Variants in EHD4 observed in about 807,000 individuals in gnomAD.
EHD4 encodes the protein EH domain-containing protein 4.
Under a neutral mutation model 51.0 loss-of-function variants are expected in EHD4, and 37 were observed. The observed-to-expected ratio is 0.73, with a 90% CI of 0.56 to 0.95. EHD4 has a LOEUF of 0.95. Among genes scored for constraint, EHD4 ranks in the 40% least tolerant of loss-of-function variants. The pLI, the probability that EHD4 is intolerant of heterozygous loss-of-function variation, is 0.00. For synonymous variants in EHD4, 297 were observed against 317.3 expected, an observed-to-expected ratio of 0.94 and a Z score of 0.68; for missense variants, 632 against 733.1, an observed-to-expected ratio of 0.86 and a Z score of 1.59.
At chr15:41,906,865 C>T (rs1240146953) in intron 5 of EHD4, among the ~76,000 whole-genome samples, 3 of 152,126 alleles carry the variant, frequency 2.0e-5, no homozygotes. Flanking sequence ...TGCTCACCCA[C>T]CTTCCGTGGT....
At position 41,897,959 on chromosome 15, in the gene EHD4, T is replaced by TG. The variant is rs1347510574; in HGVS notation, c.*2685dup. On this transcript the variant is annotated 3_prime_UTR_variant, in exon 6 of 6. Transcript: ENST00000220325. ...CAGGGTCGGCCCTGCCGCCCTGCCG[T>TG]GTGGGGTAGGGAGACAGCTGGTGGT... 6 of 152,330 alleles carry TG rather than the reference T, an allele frequency of 3.9e-5. No homozygotes were observed. The highest frequency in any genetic ancestry group is 1.3e-4 in the Admixed American group (2 of 15,294). The allele number at this position is 152,330 out of a possible 1,614,324, so 9.4% of individuals were successfully genotyped here.
chr15:41,943,005 T>A (rs1220825520), intron 3 of EHD4, 62 bp downstream of exon 3: 8 of 1,407,298 alleles, frequency 5.7e-6, no homozygotes, highest in Non-Finnish European at 7.8e-6. Flanking sequence ...AGAAATCCTC[T>A]GCTCACAGCA....
chr15:41,953,776 G>A lies in EHD4; in HGVS notation c.401C>T (p.Ala134Val). 2 of 1,607,360 alleles carry A rather than the reference G, an allele frequency of 1.2e-6. No individual in the cohort carries two copies. Among genetic ancestry groups the A allele is most frequent in the South Asian group, 2.2e-5 (2 of 89,606 alleles). ...PFRKLSRFGN[A>V]FLNRFMCSQL... ...TGCTGGTCCTTACCGATTCAGGAAA[G>A]CGTTTCCAAAGCGACTGAGCTTTCT... The change falls in exon 2 of 6, where the codon GCT becomes GTT. Residue 134 changes from alanine (A) to valine (V), a missense_variant. By Grantham distance (64) the Ala-to-Val change is moderately conservative (BLOSUM62 0). Transcript: ENST00000220325.
rs764333028 is a variant in EHD4 at position 41,919,448 on chromosome 15, G to A, written c.686C>T (p.Thr229Met). The A allele has an allele frequency of 4.7e-5, 74 of 1,577,030 alleles. No individual in the cohort carries two copies. The Admixed American group carries it at 9.5e-4, about 20-fold the overall frequency. Residue 229 changes from threonine to methionine, a missense_variant, in exon 4 of 6, where the codon ACG (threonine) becomes ATG (methionine). Thr to Met is a moderately conservative substitution (Grantham distance 81). Transcript: ENST00000220325. Reference sequence around the variant, plus strand: ...CCCGTAGACCCGCATCAGCTGCTGCGTGTCCACTTGGTCGGCCTTGTTCAG... The same window carrying A: ...CCCGTAGACCCGCATCAGCTGCTGCATGTCCACTTGGTCGGCCTTGTTCAG... ...VVLNKADQVDTQQLMRVYGAL... is the reference protein window; with the variant it reads ...VVLNKADQVDMQQLMRVYGAL...
intron 3 of EHD4, among the ~76,000 whole-genome samples, chr15:41,929,069 C>A (rs978996247): frequency 6.6e-6 from 1 of 152,162 alleles, no homozygotes. Flanking sequence ...CCAGAAAACC[C>A]CAGAGGTTGT....
intron 2 of EHD4, among the ~76,000 whole-genome samples, chr15:41,948,246 C>T (rs2067828369): frequency 6.6e-6 from 1 of 152,108 alleles, no homozygotes; most frequent in East Asian, 1.9e-4. Flanking sequence ...GAGCAAGACT[C>T]CGCCTCCAAA....
intron 3 of EHD4, among the ~76,000 whole-genome samples, chr15:41,931,935 A>T (rs1566821819): frequency 6.6e-6 from 1 of 151,854 alleles, no homozygotes. Flanking sequence ...TCAGCCTCCC[A>T]AAGTGCTGGG....
chr15:41,972,124 C>A (rs949933282), intron 1 of EHD4, 135 bp downstream of exon 1: 2 of 901,012 alleles, frequency 2.2e-6, no homozygotes, highest in African/African-American at 3.6e-5. Flanking sequence ...GCCGAGGGCA[C>A]CGGGCGCCGA....
intron 1 of EHD4, among the ~76,000 whole-genome samples, chr15:41,961,344 C>T (rs1250124801): frequency 1.3e-5 from 2 of 152,216 alleles, no homozygotes; most frequent in African/African-American, 4.8e-5. Context: ...CAGTTTCTTA[C>T]AGTTCTATTT....
chr15:41,917,935 C>T (rs964308741), intron 4 of EHD4, among the ~76,000 whole-genome samples: 6 of 152,166 alleles, frequency 3.9e-5, no homozygotes, highest in South Asian at 4.1e-4. Context: ...CTGGGACACA[C>T]GTGACAGAGA....
rs1340460753 is a variant in EHD4, at chr15:41,919,509, C to T, written c.625G>A (p.Ala209Thr). Residue 209 changes from alanine (A) to threonine (T), a missense_variant, in exon 4 of 6, where the codon GCC becomes ACC. Ala to Thr is a moderately conservative substitution (Grantham distance 58). Coordinates refer to ENST00000220325, the MANE Select transcript of EHD4 (RefSeq NM_139265.4). ...ISDEFSEAIKAFRGQDDKIRV... is the reference protein window; with the variant it reads ...ISDEFSEAIKTFRGQDDKIRV... ...ATCTTGTCGTCCTGGCCCCGGAAGG[C>T]CTTGATGGCCTCTGAGAATTCATCT... 6.5e-7 allele frequency: 1 copy of T among 1,548,342 alleles called. No homozygotes were observed. The highest frequency in any genetic ancestry group is 8.7e-7 in the Non-Finnish European group (1 of 1,150,618).
At chr15:41,955,583 A>G (rs1334312466) in intron 1 of EHD4, among the ~76,000 whole-genome samples, 2 of 152,212 alleles carry the variant, frequency 1.3e-5, no homozygotes, top group African/African-American at 4.8e-5. Context: ...AGCTGGGCTC[A>G]GGAGGTGCTA....
chr15:41,947,962 G>A (rs1416362714), intron 2 of EHD4, among the ~76,000 whole-genome samples: 2 of 152,166 alleles, frequency 1.3e-5, no homozygotes, highest in Non-Finnish European at 2.9e-5. Context: ...TGCTAGTCAA[G>A]AACAATGGTT....
chr15:41,903,892 CTGCAGGCCGGGTCTCTCAA>C (rs764336484), intron 5 of EHD4, among the ~76,000 whole-genome samples: 12 of 152,222 alleles, frequency 7.9e-5, no homozygotes, highest in Non-Finnish European at 1.6e-4. Flanking sequence ...GCAGCGGGTA[CTGCAGGCCGGGTCTCTCAA>C]ACGCAGTCAC....
intron 4 of EHD4, among the ~76,000 whole-genome samples, chr15:41,917,554 T>C (rs2067593160): frequency 6.6e-6 from 1 of 152,244 alleles, no homozygotes; most frequent in African/African-American, 2.4e-5. Flanking sequence ...GCAAAGGCTA[T>C]GACATGAGTC....
chr15:41,928,133 T>C (rs1176988873), intron 3 of EHD4, among the ~76,000 whole-genome samples: 1 of 152,214 alleles, frequency 6.6e-6, no homozygotes, highest in African/African-American at 2.4e-5. Context: ...CTGGCTGAGT[T>C]TACTTCGCAA....
At chr15:41,932,338 C>A (rs35651471) in intron 3 of EHD4, among the ~76,000 whole-genome samples, 3,771 of 152,282 alleles carry the variant, frequency 0.025, 76 homozygotes, top group South Asian at 0.058. Context: ...GGTCTGCAGG[C>A]AGGGTCTGCT....
At chr15:41,918,374 G>A (rs560620748) in intron 4 of EHD4, among the ~76,000 whole-genome samples, 3 of 152,238 alleles carry the variant, frequency 2.0e-5, no homozygotes, top group East Asian at 3.9e-4. Flanking sequence ...ACTTCACTAG[G>A]ACTAGATAAA....
intron 3 of EHD4, among the ~76,000 whole-genome samples, chr15:41,923,390 C>G (rs567285187): frequency 1.3e-5 from 2 of 152,174 alleles, no homozygotes; most frequent in African/African-American, 2.4e-5. Flanking sequence ...TACCTAGCTA[C>G]CCAAAAATCC....
Sources: gnomAD v4.1 joint callset for allele counts (sites outside exome capture counted in the v4.1 genomes callset) on GRCh38, gnomAD v4.1.1 for gene constraint, MANE v1.5 for transcripts, NCBI Gene and HGNC (gene_info 2026-07-23, HGNC 2026-07-21) for gene names.